Variants in IWS1 observed in about 807,000 individuals in gnomAD.
The protein encoded by IWS1 is interacts with SUPT6H, CTD assembly factor 1.
A neutral mutation model predicts 86.7 loss-of-function variants in IWS1; 27 were observed. That is an observed-to-expected ratio of 0.31 (90% confidence interval 0.23 to 0.43). The LOEUF is 0.43. IWS1 is among the 20% of genes least tolerant of loss of function. The pLI, the probability that IWS1 is intolerant of heterozygous loss-of-function variation, is 1.00. For synonymous variants in IWS1, 313 were observed against 335.1 expected (o/e 0.93, Z 0.72); for missense variants, 827 against 1,000.8 (o/e 0.83, Z 2.34).
In IWS1 at chr2:127,481,004, C is replaced by T; in HGVS notation, c.*40G>A. ...TTCTTTCTCCAAAGAGTCCATTGCG[C>T]ATTTCTTAGAGTAGAGATGGGGACA... On this transcript the variant is annotated 3_prime_UTR_variant, in exon 14 of 14. Coordinates refer to ENST00000295321, the MANE Select transcript of IWS1 (RefSeq NM_017969.3). 6.4e-7 allele frequency: 1 copy of T among 1,573,854 alleles called. No homozygotes were observed.
At chr2:127,527,070 G>A (rs1379712722), upstream of IWS1, among the ~76,000 whole-genome samples, 1 of 152,216 alleles carries the variant, frequency 6.6e-6, no homozygotes, top group Non-Finnish European at 1.5e-5. Flanking sequence ...CCGGAGGAAG[G>A]TGAAGTTGAA....
At chr2:127,506,022 C>T (rs534543040) in intron 2 of IWS1, among the ~76,000 whole-genome samples, 1 of 152,106 alleles carries the variant, frequency 6.6e-6, no homozygotes, top group Non-Finnish European at 1.5e-5. Flanking sequence ...GAAAACTGAC[C>T]GTGAAGAGCT....
intron 2 of IWS1, among the ~76,000 whole-genome samples, chr2:127,520,458 C>A (rs900598255): frequency 6.6e-6 from 1 of 152,182 alleles, no homozygotes; most frequent in East Asian, 1.9e-4. Flanking sequence ...AGGGCCACCA[C>A]GCCCGGCCTT....
chr2:127,509,274 G>GT (rs1272600587), intron 2 of IWS1, among the ~76,000 whole-genome samples: 1 of 152,082 alleles, frequency 6.6e-6, no homozygotes, highest in African/African-American at 2.4e-5. Flanking sequence ...CCAAAAGACA[G>GT]TTTTTTAAAA....
chr2:127,526,441 A>G lies in IWS1; in HGVS notation c.-233T>C, dbSNP rs1275972926. On this transcript the variant is annotated 5_prime_UTR_variant, in exon 1 of 14. Transcript: ENST00000295321. The stretch of plus-strand genomic sequence containing the variant: ...AGGCTGGCGGGCGGGCAGGCATGCG[A>G]GCCGGCGTTCTACTTCCTAGAAGCA... 2.6e-6 allele frequency: 4 copies of G among 1,535,050 alleles called. No homozygotes were observed. The highest frequency in any genetic ancestry group is 1.2e-5 in the South Asian group (1 of 83,154).
chr2:127,486,523 A>G (rs2105023320), intron 13 of IWS1, 30 bp downstream of exon 13: 1 of 1,456,200 alleles, frequency 6.9e-7, no homozygotes. Flanking sequence ...TGCAGGTGAG[A>G]TCCACCTTGC....
At chr2:127,500,997 A>G (rs1275337793) in intron 5 of IWS1, among the ~76,000 whole-genome samples, 1 of 152,238 alleles carries the variant, frequency 6.6e-6, no homozygotes, top group Non-Finnish European at 1.5e-5. Flanking sequence ...GTATGCTCCC[A>G]ATTTACTGCT....
chr2:127,505,002 C>G lies in IWS1; in HGVS notation c.901G>C (p.Asp301His). The G allele has an allele frequency of 6.2e-7, 1 of 1,613,842 alleles. No homozygotes were observed. The highest frequency in any genetic ancestry group is 1.3e-5 in the African/African-American group (1 of 74,996). ...TTCTGAGGCCCCTCACTCTCAGAGT[C>G]ACTGACTCGGGGTTTGGGTAGCTCC... ...NEELPKPRVS[D>H]SESEGPQKGP... is the part of the protein sequence containing the mutation. The change falls in exon 3 of 14, where the codon GAC becomes CAC. Residue 301 changes from aspartate to histidine, a missense_variant. Coordinates refer to ENST00000295321, the MANE Select transcript of IWS1 (RefSeq NM_017969.3). This position sits in a 1 kb window ranked among gnomAD's most constrained non-coding sequence, Gnocchi z 5.0.
At chr2:127,493,809 A>G (rs2104672689) in intron 8 of IWS1, among the ~76,000 whole-genome samples, 1 of 148,454 alleles carries the variant, frequency 6.7e-6, no homozygotes, top group Non-Finnish European at 1.5e-5. Flanking sequence ...GCAGGACACC[A>G]ATGAGACTAG....
intron 4 of IWS1, 35 bp downstream of exon 4, chr2:127,503,352 G>T: frequency 6.6e-7 from 1 of 1,526,556 alleles, no homozygotes; most frequent in Non-Finnish European, 9.0e-7. Context: ...GCCTAATTAA[G>T]AACCCCTGAA....
chr2:127,483,580 G>GGGT (rs1689758043), intron 13 of IWS1, among the ~76,000 whole-genome samples: 1 of 52,952 alleles, frequency 1.9e-5, no homozygotes, highest in African/African-American at 7.1e-5. Flanking sequence ...TCGGGGCGGG[G>GGGT]GGTGGTGGGG....
rs966859490 is a variant in IWS1 at position 127,520,479 on chromosome 2, C to T, written c.150+3197G>A. ...ACCACGCCCGGCCTTTGCACTGCTT[C>T]ATTTAATGCAACCGTACTCTTTTAA... is the stretch of plus-strand genomic sequence containing the variant. On this transcript the variant is annotated intron_variant, in intron 2 of 13. Coordinates refer to ENST00000295321, the MANE Select transcript of IWS1 (RefSeq NM_017969.3). 7.4e-4 allele frequency among the ~76,000 whole-genome samples: 113 copies of T among 152,238 alleles called. 1 individual carries two copies. The highest frequency in any genetic ancestry group is 2.6e-3 in the African/African-American group (106 of 41,546).
intron 2 of IWS1, among the ~76,000 whole-genome samples, chr2:127,514,015 C>A (rs191863468): frequency 2.6e-5 from 4 of 152,288 alleles, no homozygotes; most frequent in Admixed American, 2.0e-4. Context: ...AGCACCTGAC[C>A]GGAATGAGAA....
At chr2:127,526,146 C>T in intron 1 of IWS1, 29 bp downstream of exon 1, 1 of 1,586,258 alleles carries the variant, frequency 6.3e-7, no homozygotes. Context: ...CTCCGCCTCC[C>T]AGCCCGGTCC....
intron 5 of IWS1, among the ~76,000 whole-genome samples, chr2:127,500,049 A>G (rs976140789): frequency 6.6e-6 from 1 of 152,234 alleles, no homozygotes; most frequent in Non-Finnish European, 1.5e-5. Context: ...CCTTGGGGAC[A>G]GGCAAAAATT....
intron 10 of IWS1, among the ~76,000 whole-genome samples, chr2:127,490,592 C>T (rs562833154): frequency 6.6e-6 from 1 of 152,182 alleles, no homozygotes; most frequent in Non-Finnish European, 1.5e-5. Context: ...CTTTATAGAC[C>T]GAACATGGGT....
At chr2:127,501,376 G>A (rs1453464120) in intron 5 of IWS1, among the ~76,000 whole-genome samples, 5 of 151,744 alleles carry the variant, frequency 3.3e-5, no homozygotes, top group African/African-American at 7.3e-5. Flanking sequence ...TCCTATTTTC[G>A]TTGGTTTCTT....
In IWS1 at chr2:127,498,108, C is replaced by T. The variant is rs554796072; in HGVS notation, c.1565+32G>A. On this transcript the variant is annotated intron_variant, in intron 6 of 13. Coordinates refer to ENST00000295321, the MANE Select transcript of IWS1 (RefSeq NM_017969.3). ...AGTCTCTACCTTGATTTTTAAACTT[C>T]TCTTTAACAAATTCCTTAAAAACAA... 3.6e-5 allele frequency: 55 copies of T among 1,507,502 alleles called. No homozygotes were observed. The Admixed American group carries it at 6.1e-4, about 17-fold the overall frequency. 93.4% of individuals were successfully genotyped at this position (1,507,502 alleles called of 1,614,324 possible). A position where few individuals can be genotyped will look rare whatever the true frequency, so the allele number is the denominator to read the frequency against.
intron 2 of IWS1, among the ~76,000 whole-genome samples, chr2:127,506,940 T>C (rs905643917): frequency 6.6e-6 from 1 of 152,220 alleles, no homozygotes; most frequent in African/African-American, 2.4e-5. Context: ...TTTTCTCCCA[T>C]CTGGTAGCTC....
Sources: gnomAD v4.1 joint callset for allele counts (sites outside exome capture counted in the v4.1 genomes callset) on GRCh38, gnomAD v4.1.1 for gene constraint, Gnocchi (gnomAD v3.1) non-coding constraint, MANE v1.5 for transcripts, NCBI Gene and HGNC (gene_info 2026-07-23, HGNC 2026-07-21) for gene names.